RALYL: variants seen among roughly 807,000 people sequenced by gnomAD.
RALYL encodes the protein RALY RNA binding protein like, also known as RNA-binding Raly-like protein.
In RALYL, 29 loss-of-function variants were observed where a neutral mutation model predicts 35.1. The observed-to-expected ratio is 0.83, with a 90% CI of 0.61 to 1.13. The LOEUF (loss-of-function observed/expected upper bound fraction) is 1.13. Among genes scored for constraint, RALYL ranks in the 50% most tolerant of loss-of-function variants. The pLI, the probability that RALYL is intolerant of heterozygous loss-of-function variation, is 0.00. For synonymous variants in RALYL, 120 were observed against 127.6 expected (o/e 0.94, Z 0.40); for missense variants, 359 against 360.4 (o/e 1.00, Z 0.03).
intron 3 of RALYL, among the ~76,000 whole-genome samples, chr8:84,800,656 C>A (rs1823025462): frequency 6.6e-6 from 1 of 152,022 alleles, no homozygotes; most frequent in East Asian, 1.9e-4. Flanking sequence ...AAAAAAATTC[C>A]TTTCTTCATG....
At chr8:84,553,969 A>G (rs1267049749) in intron 2 of RALYL, among the ~76,000 whole-genome samples, 2 of 152,242 alleles carry the variant, frequency 1.3e-5, no homozygotes, top group Non-Finnish European at 2.9e-5. Flanking sequence ...ATACTTTAGA[A>G]TACAAAATGC....
chr8:84,673,413 G>A (rs1263409018), intron 2 of RALYL, among the ~76,000 whole-genome samples: 1 of 151,968 alleles, frequency 6.6e-6, no homozygotes, highest in Non-Finnish European at 1.5e-5. Context: ...TGTTGCAATT[G>A]CTTTGGGTGT....
chr8:84,366,906 T>C (rs535613790), intron 1 of RALYL, among the ~76,000 whole-genome samples: 1 of 151,132 alleles, frequency 6.6e-6, no homozygotes, highest in Non-Finnish European at 1.5e-5. Flanking sequence ...TTCACAACAG[T>C]GGCAAAGGAT....
In RALYL at chr8:84,297,677, A is replaced by C. The variant is rs75333143; in HGVS notation, c.-24+113253A>C. ...TTTACATTCTAATCAACAGTGGATA[A>C]GCATTTCTTTTTCTCTGCAGCCTTG... On this transcript the variant is annotated intron_variant, in intron 1 of 8. Coordinates refer to ENST00000521268, the MANE Select transcript of RALYL (RefSeq NM_173848.7). Among the ~76,000 whole-genome samples the C allele has an allele frequency of 1.6e-3, 238 of 152,254 alleles. 1 individual carries two copies. Among genetic ancestry groups the C allele is most frequent in the African/African-American group, 5.2e-3 (215 of 41,570 alleles).
intron 1 of RALYL, among the ~76,000 whole-genome samples, chr8:84,225,250 TG>T (rs1823594791): frequency 6.6e-6 from 1 of 152,228 alleles, no homozygotes; most frequent in Non-Finnish European, 1.5e-5. Flanking sequence ...GGCCAAGTCA[TG>T]TCATTTCTAG....
At chr8:84,296,984 G>C (rs549888128) in intron 1 of RALYL, among the ~76,000 whole-genome samples, 1 of 151,396 alleles carries the variant, frequency 6.6e-6, no homozygotes, top group East Asian at 2.0e-4. Context: ...GGTCCTGGAA[G>C]AAACTGAAAG....
chr8:84,574,105 T>A (rs1260998806), intron 2 of RALYL, among the ~76,000 whole-genome samples: 1 of 152,082 alleles, frequency 6.6e-6, no homozygotes, highest in Non-Finnish European at 1.5e-5. Flanking sequence ...GTTTAGGCTT[T>A]AATCTGACAA....
intron 1 of RALYL, among the ~76,000 whole-genome samples, chr8:84,521,203 A>G (rs1415331935): frequency 6.6e-6 from 1 of 152,222 alleles, no homozygotes; most frequent in Non-Finnish European, 1.5e-5. Context: ...AAGAGAGGCC[A>G]GAGCTCTTTC....
chr8:84,493,229 C>T (rs552329286), intron 1 of RALYL, among the ~76,000 whole-genome samples: 1 of 152,144 alleles, frequency 6.6e-6, no homozygotes, highest in Admixed American at 6.5e-5. Context: ...AATCAATGTC[C>T]CTGCAAAGGA....
chr8:84,344,330 A>T (rs1335230090), intron 1 of RALYL, among the ~76,000 whole-genome samples: 1 of 152,060 alleles, frequency 6.6e-6, no homozygotes, highest in Non-Finnish European at 1.5e-5. Context: ...AAACTTTATA[A>T]TTGTATGTAT....
intron 2 of RALYL, among the ~76,000 whole-genome samples, chr8:84,698,014 C>T (rs1484220509): frequency 6.6e-6 from 1 of 152,066 alleles, no homozygotes; most frequent in East Asian, 1.9e-4. Context: ...GTTCTCTATT[C>T]TCAACTGTTT....
At chr8:84,312,443 A>G (rs1288844795) in intron 1 of RALYL, among the ~76,000 whole-genome samples, 4 of 152,136 alleles carry the variant, frequency 2.6e-5, no homozygotes, top group Admixed American at 6.5e-5. Flanking sequence ...CAAGTCCACA[A>G]TTTCATCTGG....
chr8:84,810,924 TG>T (rs1825759873), intron 4 of RALYL, among the ~76,000 whole-genome samples: 1 of 152,168 alleles, frequency 6.6e-6, no homozygotes, highest in Non-Finnish European at 1.5e-5. Flanking sequence ...GAGAGTTGAT[TG>T]GTGAGTTCTT....
intron 1 of RALYL, among the ~76,000 whole-genome samples, chr8:84,515,342 G>C (rs2057973735): frequency 6.6e-6 from 1 of 151,884 alleles, no homozygotes; most frequent in Non-Finnish European, 1.5e-5. Context: ...GTATATAGTG[G>C]GCACTAGCAT....
chr8:84,250,314 A>C (rs1356508870), intron 1 of RALYL, among the ~76,000 whole-genome samples: 1 of 152,062 alleles, frequency 6.6e-6, no homozygotes, highest in African/African-American at 2.4e-5. Flanking sequence ...TATTTTGTTT[A>C]ATTTATATTG....
At chr8:84,715,717 T>C (rs1842860773) in intron 2 of RALYL, among the ~76,000 whole-genome samples, 1 of 152,076 alleles carries the variant, frequency 6.6e-6, no homozygotes. Context: ...CTTCTTGATC[T>C]AGAACAGCTA....
chr8:84,490,010 T>C (rs2055085497), intron 1 of RALYL, among the ~76,000 whole-genome samples: 1 of 151,692 alleles, frequency 6.6e-6, no homozygotes, highest in African/African-American at 2.4e-5. Flanking sequence ...TTAATGACAG[T>C]AACACAATCA....
chr8:84,890,075 C>A (rs1751621960), intron 8 of RALYL, among the ~76,000 whole-genome samples: 1 of 152,158 alleles, frequency 6.6e-6, no homozygotes, highest in South Asian at 2.1e-4. Context: ...GCTTAAAACC[C>A]TACAATGTTT....
At chr8:84,670,333 A>G (rs1232972279) in intron 2 of RALYL, among the ~76,000 whole-genome samples, 2 of 152,188 alleles carry the variant, frequency 1.3e-5, no homozygotes, top group African/African-American at 4.8e-5. Flanking sequence ...CTCATATTGA[A>G]CACAATACTT....
Sources: gnomAD v4.1 joint callset for allele counts (sites outside exome capture counted in the v4.1 genomes callset) on GRCh38, gnomAD v4.1.1 for gene constraint, MANE v1.5 for transcripts, NCBI Gene and HGNC (gene_info 2026-07-23, HGNC 2026-07-21) for gene names.